CNBD1: variants seen among roughly 807,000 people sequenced by gnomAD.
The protein encoded by CNBD1 is cyclic nucleotide-binding domain-containing protein 1.
Under a neutral mutation model 54.4 loss-of-function variants are expected in CNBD1, and 71 were observed. The ratio of observed to expected loss-of-function variants is 1.30; its 90% CI spans 1.08 to 1.59. The LOEUF (loss-of-function observed/expected upper bound fraction) is 1.59. CNBD1 is among the 40% of genes most tolerant of loss of function. CNBD1 has a pLI of 0.00. For missense variants in CNBD1, 659 were observed against 518.0 expected, an observed-to-expected ratio of 1.27 and a Z score of -2.64; for synonymous variants, 182 against 170.7, an observed-to-expected ratio of 1.07 and a Z score of -0.51.
At chr8:87,230,290 A>G (rs958327785) in intron 5 of CNBD1, among the ~76,000 whole-genome samples, 1 of 152,288 alleles carries the variant, frequency 6.6e-6, no homozygotes. Context: ...ACAATTCGAC[A>G]GGAGATTTGG....
At chr8:87,318,717 G>A (rs1007565585) in intron 8 of CNBD1, among the ~76,000 whole-genome samples, 3 of 151,878 alleles carry the variant, frequency 2.0e-5, no homozygotes, top group African/African-American at 4.8e-5. Flanking sequence ...GGGAGGGGGG[G>A]CATTGGATAA....
chr8:87,050,047 G>C (rs1346611963), intron 4 of CNBD1, among the ~76,000 whole-genome samples: 1 of 152,210 alleles, frequency 6.6e-6, no homozygotes, highest in African/African-American at 2.4e-5. Context: ...AGTGCTTTAA[G>C]TAAGGCTTGC....
At chr8:87,174,977 G>A (rs1183969573) in intron 4 of CNBD1, among the ~76,000 whole-genome samples, 1 of 152,170 alleles carries the variant, frequency 6.6e-6, no homozygotes, top group African/African-American at 2.4e-5. Flanking sequence ...AGTGACACAA[G>A]CAACCCTGTG....
chr8:87,312,215 A>G (rs923912214), intron 8 of CNBD1, among the ~76,000 whole-genome samples: 1 of 151,988 alleles, frequency 6.6e-6, no homozygotes. Flanking sequence ...TAAAACTACT[A>G]TATCGATATT....
At chr8:87,223,350 C>A (rs1309260344) in intron 5 of CNBD1, among the ~76,000 whole-genome samples, 1 of 151,702 alleles carries the variant, frequency 6.6e-6, no homozygotes, top group Middle Eastern at 3.2e-3. Flanking sequence ...ACTAACTCAT[C>A]ATCTAGCATT....
chr8:87,387,743 G>T (rs531804711), downstream of CNBD1, among the ~76,000 whole-genome samples: 12 of 152,248 alleles, frequency 7.9e-5, no homozygotes, highest in South Asian at 2.5e-3. Flanking sequence ...ACTCAACTCT[G>T]CACCAAGAGG....
At chr8:87,317,063 T>C (rs928052005) in intron 8 of CNBD1, among the ~76,000 whole-genome samples, 2 of 151,812 alleles carry the variant, frequency 1.3e-5, no homozygotes, top group Admixed American at 1.3e-4. Context: ...ATGATACTTA[T>C]CTCAGAGGGT....
intron 4 of CNBD1, among the ~76,000 whole-genome samples, chr8:87,112,989 T>C (rs1007424311): frequency 1.1e-4 from 16 of 152,152 alleles, no homozygotes; most frequent in African/African-American, 3.6e-4. Flanking sequence ...CATGATATGG[T>C]CTCAAGAGAA....
At chr8:87,407,674 T>C (rs1278553301) in intron 2 of CNBD1, among the ~76,000 whole-genome samples, 1 of 152,076 alleles carries the variant, frequency 6.6e-6, no homozygotes, top group Non-Finnish European at 1.5e-5. Context: ...TTTTCCTTTT[T>C]TCTTTTATTT....
At chr8:86,882,308 G>A (rs1043245534) in intron 1 of CNBD1, among the ~76,000 whole-genome samples, 2 of 151,948 alleles carry the variant, frequency 1.3e-5, no homozygotes, top group Admixed American at 1.3e-4. Context: ...GCATCTATAA[G>A]GAACTTAAAC....
chr8:87,365,361 A>G (rs1386400499), intron 10 of CNBD1, among the ~76,000 whole-genome samples: 1 of 151,662 alleles, frequency 6.6e-6, no homozygotes, highest in African/African-American at 2.4e-5. Flanking sequence ...TTTTGCTTGT[A>G]CATTTGTTTA....
Position 87,206,019 on chromosome 8 carries a change from A to G in CNBD1, c.458A>G (p.His153Arg). 6.3e-7 allele frequency: 1 copy of G among 1,585,726 alleles called. No individual in the cohort carries two copies. The highest frequency in any genetic ancestry group is 8.6e-7 in the Non-Finnish European group (1 of 1,167,050). Residue 153 changes from histidine to arginine, a missense_variant, in exon 5 of 11, where the codon CAC becomes CGC. Transcript: ENST00000518476. The stretch of plus-strand genomic sequence containing the variant: ...CCCATTCACAGGACGCCATATGAAC[A>G]CAAAACTGTGTGGAAGTTCCTGAAA... ...KLPIHRTPYE[H>R]KTVWKFLKTI...
At chr8:87,116,350 C>CT (rs1811768804) in intron 4 of CNBD1, among the ~76,000 whole-genome samples, 1 of 151,484 alleles carries the variant, frequency 6.6e-6, no homozygotes, top group Non-Finnish European at 1.5e-5. Context: ...TACAGGCATG[C>CT]ACCACCACAC....
Position 86,899,655 on chromosome 8 carries a change from T to TA in CNBD1, c.159-5423dup, listed in dbSNP as rs1336113852. ...AGAGTAATTTATAGGCTTAGGGATA[T>TA]AAATCTGATGTTGTTGCTGCTGGCT... On this transcript the variant is annotated intron_variant, in intron 2 of 10. Transcript: ENST00000518476. 2.0e-5 allele frequency among the ~76,000 whole-genome samples: 3 copies of TA among 152,300 alleles called. No individual in the cohort carries two copies. The East Asian group carries it at 5.8e-4, about 29-fold the overall frequency.
intron 4 of CNBD1, among the ~76,000 whole-genome samples, chr8:87,042,824 GTTATATTT>G (rs1810101606): frequency 2.6e-5 from 4 of 151,862 alleles, no homozygotes; most frequent in African/African-American, 9.7e-5. Context: ...AAATATGCTT[GTTATATTT>G]TTATAAATTC....
rs140544041 is a variant in CNBD1, at chr8:86,892,219, T to G, written c.158+4608T>G. On this transcript the variant is annotated intron_variant, in intron 2 of 10. Transcript: ENST00000518476. The stretch of plus-strand genomic sequence containing the variant: ...TTATCATATATGGCCTTTATTGTGT[T>G]TAGGTTCATTCCTTCTGTTGAGGGT... Among the ~76,000 whole-genome samples, 52 of 152,230 alleles carry G rather than the reference T, an allele frequency of 3.4e-4. 1 individual carries two copies. Among genetic ancestry groups the G allele is most frequent in the African/African-American group, 1.2e-3 (50 of 41,572 alleles).
At chr8:86,974,986 T>C (rs1420800628) in intron 4 of CNBD1, among the ~76,000 whole-genome samples, 1 of 151,968 alleles carries the variant, frequency 6.6e-6, no homozygotes, top group Non-Finnish European at 1.5e-5. Context: ...GGCTAATGTG[T>C]TTGGAAAAAA....
chr8:86,949,951 T>TG (rs1563833494), intron 4 of CNBD1, among the ~76,000 whole-genome samples: 2 of 84,364 alleles, frequency 2.4e-5, no homozygotes, highest in African/African-American at 4.3e-5. Flanking sequence ...CAAATGCTTT[T>TG]TTTTTTTTTT....
At chr8:87,199,222 A>ATTGTT (rs1813794287) in intron 4 of CNBD1, among the ~76,000 whole-genome samples, 1 of 152,236 alleles carries the variant, frequency 6.6e-6, no homozygotes, top group Non-Finnish European at 1.5e-5. Context: ...CTCAACACGT[A>ATTGTT]CAGAATGAGA....
Sources: gnomAD v4.1 joint callset for allele counts (sites outside exome capture counted in the v4.1 genomes callset) on GRCh38, gnomAD v4.1.1 for gene constraint, MANE v1.5 for transcripts, NCBI Gene and HGNC (gene_info 2026-07-23, HGNC 2026-07-21) for gene names.